The following CNBD1 variants were observed in gnomAD, a reference collection of about 807,000 sequenced individuals.
The protein encoded by CNBD1 is cyclic nucleotide binding domain containing 1.
CNBD1 carries 71 observed loss-of-function variants against 54.4 expected under a neutral mutation model. That is an observed-to-expected ratio of 1.30 (90% confidence interval 1.08 to 1.59). The LOEUF (loss-of-function observed/expected upper bound fraction) is 1.59, where lower values mean the gene tolerates loss of function less well. Ranked by LOEUF, CNBD1 falls within the 40% of genes most tolerant of loss-of-function variation. The pLI is 0.00. For synonymous variants in CNBD1, 182 were observed against 170.7 expected, an observed-to-expected ratio of 1.07 and a Z score of -0.51; for missense variants, 659 against 518.0, an observed-to-expected ratio of 1.27 and a Z score of -2.64.
At chr8:87,047,221 A>T (rs1810214785) in intron 4 of CNBD1, among the ~76,000 whole-genome samples, 1 of 152,132 alleles carries the variant, frequency 6.6e-6, no homozygotes, top group African/African-American at 2.4e-5. Context: ...AACTTCACCT[A>T]GTCTAAGGAT....
chr8:86,908,592 T>G (rs1195891195), intron 3 of CNBD1, among the ~76,000 whole-genome samples: 1 of 152,136 alleles, frequency 6.6e-6, no homozygotes. Flanking sequence ...GGCAATGATG[T>G]TTTATGTACA....
At chr8:87,281,296 T>C (rs1375891617) in intron 6 of CNBD1, among the ~76,000 whole-genome samples, 6 of 151,096 alleles carry the variant, frequency 4.0e-5, no homozygotes, top group Non-Finnish European at 8.9e-5. Flanking sequence ...TTGAAACAAA[T>C]ACAAGGAGGT....
At chr8:87,320,066 C>G (rs886694610) in intron 8 of CNBD1, among the ~76,000 whole-genome samples, 1 of 152,000 alleles carries the variant, frequency 6.6e-6, no homozygotes, top group African/African-American at 2.4e-5. Flanking sequence ...ACCATCTGAA[C>G]AAAAATATAT....
intron 4 of CNBD1, among the ~76,000 whole-genome samples, chr8:87,178,333 G>A (rs1813242057): frequency 6.6e-6 from 1 of 152,234 alleles, no homozygotes; most frequent in South Asian, 2.1e-4. Flanking sequence ...GCCTCAATGA[G>A]AAGTTGACAT....
rs544440007 is a variant in CNBD1 at position 87,144,205 on chromosome 8, CCTT to C, written c.432-61785_432-61783del. The stretch of plus-strand genomic sequence containing the variant: ...CAAAAGTGTTCTCCGGTTGATAAAA[CCTT>C]CTAAAACCAGAAAGGGCAAATGCAA... On this transcript the variant is annotated intron_variant, in intron 4 of 10. Coordinates refer to ENST00000518476, the MANE Select transcript of CNBD1 (RefSeq NM_173538.3). Among the ~76,000 whole-genome samples, 146 of 152,242 alleles carry C rather than the reference CCTT, an allele frequency of 9.6e-4. 2 individuals are homozygous for C. The Middle Eastern group carries it at 0.01, about 11-fold the overall frequency.
intron 4 of CNBD1, among the ~76,000 whole-genome samples, chr8:87,082,839 T>A (rs1278513918): frequency 8.5e-5 from 13 of 152,338 alleles, no homozygotes; most frequent in Admixed American, 3.9e-4. Context: ...GGTCTCCTTT[T>A]GGATTGATTT....
intron 8 of CNBD1, among the ~76,000 whole-genome samples, chr8:87,326,398 T>C (rs1043245498): frequency 3.2e-5 from 4 of 126,054 alleles, no homozygotes; most frequent in Non-Finnish European, 5.4e-5. Flanking sequence ...CTGTAGAGTG[T>C]TTTCCAACTT....
At chr8:86,946,901 A>G (rs1246735362) in intron 4 of CNBD1, among the ~76,000 whole-genome samples, 2 of 152,308 alleles carry the variant, frequency 1.3e-5, no homozygotes, top group Middle Eastern at 3.4e-3. Flanking sequence ...ATTTATCAAA[A>G]TGACTTAGTT....
intron 2 of CNBD1, among the ~76,000 whole-genome samples, chr8:87,388,010 G>A (rs1485414172): frequency 3.3e-5 from 5 of 152,124 alleles, no homozygotes; most frequent in South Asian, 2.1e-4. Flanking sequence ...TGACTACTGG[G>A]TACATAACGA....
intron 4 of CNBD1, among the ~76,000 whole-genome samples, chr8:86,950,731 T>C (rs1807597334): frequency 6.6e-6 from 1 of 152,172 alleles, no homozygotes; most frequent in Non-Finnish European, 1.5e-5. Context: ...TAGTGCTTCT[T>C]TAAATGTTTG....
intron 5 of CNBD1, among the ~76,000 whole-genome samples, chr8:87,228,272 C>T (rs1814559201): frequency 6.6e-6 from 1 of 151,456 alleles, no homozygotes; most frequent in South Asian, 2.1e-4. Context: ...AGCTTTGTTC[C>T]GTTGCTGGTG....
At chr8:87,067,506 C>T (rs1810678346) in intron 4 of CNBD1, among the ~76,000 whole-genome samples, 4 of 151,914 alleles carry the variant, frequency 2.6e-5, no homozygotes, top group Admixed American at 2.6e-4. Context: ...TCATGAGATA[C>T]AGTGTTTCTA....
At chr8:86,901,544 TATAG>T in intron 2 of CNBD1, among the ~76,000 whole-genome samples, 1 of 152,312 alleles carries the variant, frequency 6.6e-6, no homozygotes. Context: ...TTCGGGCTGC[TATAG>T]ATAAACACTA....
chr8:87,427,841 C>T (rs1330752551), intron 2 of CNBD1, among the ~76,000 whole-genome samples: 2 of 152,080 alleles, frequency 1.3e-5, no homozygotes, highest in East Asian at 1.9e-4. Flanking sequence ...GATGCTGCTG[C>T]ATGCTTTATA....
chr8:86,955,512 A>G (rs922413702), intron 4 of CNBD1, among the ~76,000 whole-genome samples: 26 of 152,164 alleles, frequency 1.7e-4, no homozygotes, highest in African/African-American at 6.0e-4. Context: ...CTGACTTGTT[A>G]ATGATTGCCA....
At chr8:87,385,044 G>C (rs1811154817), downstream of CNBD1, among the ~76,000 whole-genome samples, 2 of 152,254 alleles carry the variant, frequency 1.3e-5, no homozygotes, top group African/African-American at 2.4e-5. Flanking sequence ...ATAATCACTT[G>C]GGTTCTATAT....
chr8:87,264,486 T>A (rs1808208287), intron 6 of CNBD1, among the ~76,000 whole-genome samples: 1 of 152,214 alleles, frequency 6.6e-6, no homozygotes, highest in Non-Finnish European at 1.5e-5. Context: ...TATAGTAGCA[T>A]GATTTATAAT....
At chr8:87,033,957 T>C (rs540671053) in intron 4 of CNBD1, among the ~76,000 whole-genome samples, 1 of 152,290 alleles carries the variant, frequency 6.6e-6, no homozygotes, top group Admixed American at 6.5e-5. Flanking sequence ...TATTAGAGCT[T>C]ATAGGTATGC....
At chr8:87,062,958 A>T (rs1309180554) in intron 4 of CNBD1, among the ~76,000 whole-genome samples, 1 of 152,178 alleles carries the variant, frequency 6.6e-6, no homozygotes, top group Admixed American at 6.5e-5. Flanking sequence ...AAGAAAATTA[A>T]CATATAGCTG....
Sources: gnomAD v4.1 joint callset for allele counts (sites outside exome capture counted in the v4.1 genomes callset) on GRCh38, gnomAD v4.1.1 for gene constraint, MANE v1.5 for transcripts, NCBI Gene and HGNC (gene_info 2026-07-23, HGNC 2026-07-21) for gene names.